The following PPIG variants were observed in gnomAD, a reference collection of about 807,000 sequenced individuals.
The protein encoded by PPIG is peptidyl-prolyl cis-trans isomerase G.
A neutral mutation model predicts 87.9 loss-of-function variants in PPIG; 26 were observed. The ratio of observed to expected loss-of-function variants is 0.30; its 90% CI spans 0.22 to 0.41. The LOEUF (loss-of-function observed/expected upper bound fraction) is 0.41. PPIG is among the 10% of genes least tolerant of loss of function. The pLI is 1.00. For synonymous variants in PPIG, 308 were observed against 276.5 expected, an observed-to-expected ratio of 1.11 and a Z score of -1.13; for missense variants, 722 against 879.4, an observed-to-expected ratio of 0.82 and a Z score of 2.26.
Position 169,639,898 on chromosome 2 carries a change from G to GTTATGTCTAAAT in PPIG, c.*2381_*2392dup, listed in dbSNP as rs1487350644. 3 of 151,994 alleles carry GTTATGTCTAAAT rather than the reference G, an allele frequency of 2.0e-5. No homozygotes were observed. In the East Asian group the frequency reaches 5.8e-4, roughly 29 times the overall value. The allele number at this position is 151,994 out of a possible 1,614,324, so 9.4% of individuals were successfully genotyped here. A position where few individuals can be genotyped will look rare whatever the true frequency, so the allele number is the denominator to read the frequency against. On this transcript the variant is annotated 3_prime_UTR_variant, in exon 14 of 14. Transcript: ENST00000260970. ...ACTTTCCCATCAAGTTGGTTTTATA[G>GTTATGTCTAAAT]TTATGTCTAAATTTATGGTTCATGT...
At chr2:169,614,871 CT>C in intron 9 of PPIG, 147 bp downstream of exon 9, 1 of 993,738 alleles carries the variant, frequency 1.0e-6, no homozygotes, top group Non-Finnish European at 1.4e-6. Flanking sequence ...TTATTTTTTA[CT>C]TTTTTAAGTT....
chr2:169,621,414 C>G (rs550179410), intron 9 of PPIG, among the ~76,000 whole-genome samples: 5 of 152,202 alleles, frequency 3.3e-5, no homozygotes, highest in Non-Finnish European at 5.9e-5. Flanking sequence ...TGCTTCAGCT[C>G]ATGGGATTTC....
intron 1 of PPIG, among the ~76,000 whole-genome samples, chr2:169,596,849 G>A (rs1349203452): frequency 6.6e-6 from 1 of 152,134 alleles, no homozygotes; most frequent in Non-Finnish European, 1.5e-5. Context: ...CTACAGGCAT[G>A]CGCCATTACG....
At chr2:169,611,835 C>T (rs1025758438) in intron 7 of PPIG, among the ~76,000 whole-genome samples, 1 of 152,058 alleles carries the variant, frequency 6.6e-6, no homozygotes, top group Admixed American at 6.6e-5. Context: ...AACCCTTCTT[C>T]TGTGTTCTGT....
At chr2:169,612,987 C>T (rs1205404139) in intron 7 of PPIG, among the ~76,000 whole-genome samples, 2 of 152,164 alleles carry the variant, frequency 1.3e-5, no homozygotes, top group African/African-American at 4.8e-5. Flanking sequence ...TTTCCACATC[C>T]TTGCCCAGCA....
chr2:169,637,391 T>C lies in PPIG; in HGVS notation c.2133T>C (p.Asp711=). The C allele has an allele frequency of 6.2e-7, 1 of 1,612,780 alleles. No homozygotes were observed. Among genetic ancestry groups the C allele is most frequent in the South Asian group, 1.1e-5 (1 of 90,816 alleles). Residue 711 remains aspartate (D), a synonymous_variant, in exon 14 of 14, where the codon GAT becomes GAC. Transcript: ENST00000260970. ...CCTCCATGTTGAAAAATAAGGAGGA[T>C]GAGAAGATCAGATCCTCAGTGGAAA... ...LKSSMLKNKE[D]EKIRSSVEKE...
chr2:169,595,293 C>G (rs754679531), intron 1 of PPIG, among the ~76,000 whole-genome samples: 5 of 152,104 alleles, frequency 3.3e-5, no homozygotes, highest in Non-Finnish European at 7.4e-5. Context: ...TTTGTGGGTA[C>G]ATAGTAGGTA....
At chr2:169,594,625 CTTTTTTTTTT>C (rs61375406) in intron 1 of PPIG, among the ~76,000 whole-genome samples, 2 of 114,634 alleles carry the variant, frequency 1.7e-5, no homozygotes, top group South Asian at 5.2e-4. Flanking sequence ...TCTTTCTTTT[CTTTTTTTTTT>C]TTTTTTTTTT....
chr2:169,630,915 GA>G lies in PPIG; in HGVS notation c.695del (p.Lys232ArgfsTer55). 1 of 1,601,116 alleles carries G rather than the reference GA, an allele frequency of 6.2e-7. No individual in the cohort carries two copies. Among genetic ancestry groups the G allele is most frequent in the Non-Finnish European group, 8.5e-7 (1 of 1,176,838 alleles). The stretch of plus-strand genomic sequence containing the variant: ...GCTACTGAAGAGAAATCAAAGAAAA[GA>G]AAAAAGAAACATCGGAAAAATTCCC... ...ESATEEKSKK[R>X]KKKHRKNSRK... On this transcript the variant is annotated frameshift_variant, in exon 10 of 14. Transcript: ENST00000260970. LOFTEE classifies it high-confidence loss of function.
At position 169,641,064 on chromosome 2, in the gene PPIG, T is replaced by A. The variant is rs1190975468; in HGVS notation, c.*3541T>A. ...CACATGCTGTATATTTTCTTCCCCT[T>A]TTGTGTGTATATAGTATTTTGAAAG... On this transcript the variant is annotated 3_prime_UTR_variant, in exon 14 of 14. Coordinates refer to ENST00000260970, the MANE Select transcript of PPIG (RefSeq NM_004792.3). 1 of 152,154 alleles carries A rather than the reference T, an allele frequency of 6.6e-6. No homozygotes were observed. Among genetic ancestry groups the A allele is most frequent in the Non-Finnish European group, 1.5e-5 (1 of 68,016 alleles). The allele number at this position is 152,154 out of a possible 1,614,324, so 9.4% of individuals were successfully genotyped here. A position where few individuals can be genotyped will look rare whatever the true frequency, so the allele number is the denominator to read the frequency against.
intron 1 of PPIG, among the ~76,000 whole-genome samples, chr2:169,590,636 C>T (rs1221388314): frequency 6.6e-6 from 1 of 152,000 alleles, no homozygotes; most frequent in Non-Finnish European, 1.5e-5. Context: ...GAGGGAGGCT[C>T]CCTCTCAGAA....
At position 169,604,026 on chromosome 2, in the gene PPIG, A is replaced by G. The variant is rs6708481; in HGVS notation, c.-16A>G. 1 of 1,611,788 alleles carries G rather than the reference A, an allele frequency of 6.2e-7. No homozygotes were observed. The highest frequency in any genetic ancestry group is 1.1e-5 in the South Asian group (1 of 90,890). On this transcript the variant is annotated splice_region_variant and 5_prime_UTR_variant, in exon 3 of 14. Coordinates refer to ENST00000260970, the MANE Select transcript of PPIG (RefSeq NM_004792.3). The stretch of plus-strand genomic sequence containing the variant: ...GTCTGAAACTGTATTTTACTCACAG[A>G]TTAAGTATTGGAGCCATGGGAATAA...
intron 1 of PPIG, among the ~76,000 whole-genome samples, chr2:169,594,625 C>CTTTTTTTTTTTTT (rs61375406): frequency 7.0e-5 from 8 of 114,630 alleles, no homozygotes; most frequent in Non-Finnish European, 8.8e-5. Flanking sequence ...TCTTTCTTTT[C>CTTTTTTTTTTTTT]TTTTTTTTTT....
At chr2:169,597,891 T>C (rs1045892098) in intron 1 of PPIG, among the ~76,000 whole-genome samples, 2 of 134,412 alleles carry the variant, frequency 1.5e-5, no homozygotes, top group Non-Finnish European at 3.3e-5. Flanking sequence ...TGTTTGTTTG[T>C]TTGAAATAGA....
chr2:169,608,862 C>T (rs1292130780), intron 7 of PPIG, 104 bp downstream of exon 7: 3 of 668,376 alleles, frequency 4.5e-6, no homozygotes, highest in Admixed American at 2.4e-5. Context: ...GCGGGCGGAT[C>T]ACGAGGTCAG....
At chr2:169,613,040 A>G (rs544863567) in intron 7 of PPIG, among the ~76,000 whole-genome samples, 1 of 152,346 alleles carries the variant, frequency 6.6e-6, no homozygotes, top group East Asian at 1.9e-4. Context: ...TTACCATGAA[A>G]GCACCACAAG....
In PPIG at chr2:169,640,842, TTTGGCC is replaced by T. The variant is rs1686295375; in HGVS notation, c.*3321_*3326del. The T allele has an allele frequency of 6.6e-6, 1 of 152,140 alleles. No individual in the cohort carries two copies. Among genetic ancestry groups the T allele is most frequent in the Admixed American group, 6.6e-5 (1 of 15,258 alleles). The allele number at this position is 152,140 out of a possible 1,614,324, so 9.4% of individuals were successfully genotyped here. ...AGTGGATTCGGGCAAGTGCAAAGTC[TTTGGCC>T]TATTGTGTGACAAAGAGGTATATAT... On this transcript the variant is annotated 3_prime_UTR_variant, in exon 14 of 14. Transcript: ENST00000260970.
At position 169,606,830 on chromosome 2, in the gene PPIG, G is replaced by C. The variant is rs565794620; in HGVS notation, c.245-274G>C. 6.6e-4 allele frequency among the ~76,000 whole-genome samples: 100 copies of C among 152,106 alleles called. 1 individual carries two copies. The Middle Eastern group carries it at 0.01, about 16-fold the overall frequency. On this transcript the variant is annotated intron_variant, in intron 5 of 13. Transcript: ENST00000260970. ...AACTTTGAAAAAATGTTAACCTGTTGCAAGACCTGCATAATCATAATTAGA... is the reference window on the plus strand; with the variant it reads ...AACTTTGAAAAAATGTTAACCTGTTCCAAGACCTGCATAATCATAATTAGA...
chr2:169,599,832 T>G (rs1685127075), intron 1 of PPIG, among the ~76,000 whole-genome samples: 1 of 152,190 alleles, frequency 6.6e-6, no homozygotes, highest in East Asian at 1.9e-4. Flanking sequence ...TCCTAAGCAC[T>G]GCTTAAGAAA....
Sources: allele counts gnomAD v4.1 joint callset (sites outside exome capture counted in the v4.1 genomes callset), GRCh38; gene constraint gnomAD v4.1.1; transcripts MANE v1.5; gene names NCBI Gene and HGNC (gene_info 2026-07-23, HGNC 2026-07-21).